Variants in IQSEC3 observed in about 807,000 individuals in gnomAD.
The protein encoded by IQSEC3 is IQ motif and Sec7 domain ArfGEF 3.
In IQSEC3, 50 loss-of-function variants were observed where a neutral mutation model predicts 105.4. The observed-to-expected ratio is 0.47, with a 90% CI of 0.38 to 0.60. The LOEUF (loss-of-function observed/expected upper bound fraction) is 0.60. Among genes scored for constraint, IQSEC3 ranks in the 20% least tolerant of loss-of-function variants. The pLI, the probability that IQSEC3 is intolerant of heterozygous loss-of-function variation, is 0.00. For missense variants in IQSEC3, 1,415 were observed against 1,630.0 expected (o/e 0.87, Z 2.27); for synonymous variants, 708 against 746.0 (o/e 0.95, Z 0.83).
chr12:156,875 T>C, intron 5 of IQSEC3, 150 bp from the exon 6 acceptor site: 1 of 935,950 alleles, frequency 1.1e-6, no homozygotes, highest in Non-Finnish European at 1.5e-6. Flanking sequence ...GAGGAGATGG[T>C]CCTCTTGGGG....
At chr12:86,689 G>T (rs1459412670) in intron 1 of IQSEC3, among the ~76,000 whole-genome samples, 1 of 152,052 alleles carries the variant, frequency 6.6e-6, no homozygotes, top group African/African-American at 2.4e-5. Context: ...AAGCATTTTT[G>T]TGTGTGTGTG....
chr12:122,554 AGAG>A (rs1412493243), intron 2 of IQSEC3, among the ~76,000 whole-genome samples: 1 of 152,358 alleles, frequency 6.6e-6, no homozygotes. Context: ...AAAGGGCTGT[AGAG>A]GAGTAGGGAA....
At chr12:132,541 A>G (rs1565420080) in intron 3 of IQSEC3, among the ~76,000 whole-genome samples, 1 of 152,264 alleles carries the variant, frequency 6.6e-6, no homozygotes, top group East Asian at 1.9e-4. Flanking sequence ...GTGGGAAGAA[A>G]AAGAGCCCTA....
chr12:171,808 C>T (rs1309410767), intron 13 of IQSEC3, among the ~76,000 whole-genome samples: 1 of 152,292 alleles, frequency 6.6e-6, no homozygotes, highest in East Asian at 1.9e-4. Context: ...GTCCTGAGGG[C>T]TGTCCTGGGG....
intron 7 of IQSEC3, among the ~76,000 whole-genome samples, chr12:159,628 CTT>C (rs1555095562): frequency 6.6e-6 from 1 of 152,164 alleles, no homozygotes; most frequent in Admixed American, 6.5e-5. Context: ...GTCTGTTACT[CTT>C]TCTCTCTCTC....
intron 1 of IQSEC3, among the ~76,000 whole-genome samples, chr12:85,760 G>C (rs1863897679): frequency 6.6e-6 from 1 of 152,192 alleles, no homozygotes; most frequent in Non-Finnish European, 1.5e-5. Flanking sequence ...AAATATCTTA[G>C]ACTCTCTGAG....
intron 1 of IQSEC3, among the ~76,000 whole-genome samples, chr12:84,960 G>A (rs1303447140): frequency 2.6e-5 from 4 of 152,108 alleles, no homozygotes; most frequent in African/African-American, 4.8e-5. Context: ...CAGAAGCAGC[G>A]TGCAGCAAAA....
chr12:70,021 G>A, intron 1 of IQSEC3, among the ~76,000 whole-genome samples: 1 of 152,272 alleles, frequency 6.6e-6, no homozygotes, highest in Non-Finnish European at 1.5e-5. Flanking sequence ...TCTACTGGGA[G>A]TGCTGAAGCG....
chr12:176,918 G>A lies in IQSEC3; in HGVS notation c.*1885G>A, dbSNP rs942054378. The A allele has an allele frequency of 6.6e-6, 1 of 152,390 alleles. No individual in the cohort carries two copies. The highest frequency in any genetic ancestry group is 2.4e-5 in the African/African-American group (1 of 41,442). 9.4% of individuals were successfully genotyped at this position (152,390 alleles called of 1,614,324 possible). On this transcript the variant is annotated 3_prime_UTR_variant, in exon 14 of 14. Transcript: ENST00000538872. The surrounding 1 kb of genome is among the most constrained non-coding windows in gnomAD (Gnocchi z 4.0). ...GGGATCGTCCTTAAAGTGAAGGCCT[G>A]GACAGGAGGAGTCAGGGACTTGGGA...
At chr12:128,498 G>A (rs907930334) in intron 3 of IQSEC3, among the ~76,000 whole-genome samples, 2 of 152,034 alleles carry the variant, frequency 1.3e-5, no homozygotes, top group South Asian at 2.1e-4. Context: ...ACTGAATCCC[G>A]TGTTCCATGG....
intron 2 of IQSEC3, among the ~76,000 whole-genome samples, chr12:100,609 G>A (rs529649070): frequency 1.3e-5 from 2 of 152,300 alleles, no homozygotes; most frequent in South Asian, 4.1e-4. Context: ...GCTGAGGGAG[G>A]GATGGGAGTT....
intron 2 of IQSEC3, among the ~76,000 whole-genome samples, chr12:109,635 G>A (rs565341030): frequency 3.9e-5 from 6 of 152,074 alleles, no homozygotes; most frequent in Non-Finnish European, 5.9e-5. Flanking sequence ...CCCAGTTCCC[G>A]GACCCTGTCC....
At chr12:111,100 G>C (rs1565403467) in intron 2 of IQSEC3, among the ~76,000 whole-genome samples, 1 of 152,156 alleles carries the variant, frequency 6.6e-6, no homozygotes, top group African/African-American at 2.4e-5. Flanking sequence ...GGATCCCAGG[G>C]CTTTTCATTG....
At chr12:129,824 C>T (rs1479745030) in intron 3 of IQSEC3, among the ~76,000 whole-genome samples, 1 of 152,154 alleles carries the variant, frequency 6.6e-6, no homozygotes, top group Non-Finnish European at 1.5e-5. Flanking sequence ...AGCAGCCCCT[C>T]CCCACAGATC....
chr12:80,383 C>T (rs1420872686), intron 1 of IQSEC3, among the ~76,000 whole-genome samples: 1 of 152,180 alleles, frequency 6.6e-6, no homozygotes, highest in Non-Finnish European at 1.5e-5. Flanking sequence ...CCTACAACCC[C>T]AGCAGTTTCA....
In IQSEC3 at chr12:169,116, G is replaced by A. The variant is rs1938833011; in HGVS notation, c.3064+11G>A. On this transcript the variant is annotated intron_variant, in intron 12 of 13. Transcript: ENST00000538872. ...AAGGATCGCCGACAGGTGAGCCTCG[G>A]CTCCGCTCAGGGCACCAGTCCCCAT... is the stretch of plus-strand genomic sequence containing the variant. 2.5e-6 allele frequency: 4 copies of A among 1,612,378 alleles called. No homozygotes were observed. The highest frequency in any genetic ancestry group is 1.7e-5 in the Admixed American group (1 of 60,004).
intron 2 of IQSEC3, among the ~76,000 whole-genome samples, chr12:124,462 T>C (rs976375485): frequency 3.3e-5 from 5 of 151,646 alleles, no homozygotes; most frequent in Non-Finnish European, 5.9e-5. Flanking sequence ...GCACCTGACC[T>C]CTGCTGCCTC....
intron 2 of IQSEC3, among the ~76,000 whole-genome samples, chr12:120,395 G>A (rs904663): frequency 0.9 from 137,436 of 152,144 alleles, 63,271 homozygotes; most frequent in Non-Finnish European, 0.99. Flanking sequence ...GTGGGGATGA[G>A]GGTAGAAAGG....
intron 1 of IQSEC3, among the ~76,000 whole-genome samples, chr12:84,918 C>A (rs1379738548): frequency 6.6e-6 from 1 of 152,148 alleles, no homozygotes; most frequent in Admixed American, 6.5e-5. Flanking sequence ...CTGCAGATGC[C>A]TGGGGTCAGG....
Sources: gnomAD v4.1 joint callset for allele counts (sites outside exome capture counted in the v4.1 genomes callset) on GRCh38, gnomAD v4.1.1 for gene constraint, Gnocchi (gnomAD v3.1) non-coding constraint, MANE v1.5 for transcripts, NCBI Gene and HGNC (gene_info 2026-07-23, HGNC 2026-07-21) for gene names.